PELI2: variants seen among roughly 807,000 people sequenced by gnomAD.
PELI2 encodes pellino E3 ubiquitin protein ligase family member 2.
PELI2 carries 23 observed loss-of-function variants against 42.3 expected under a neutral mutation model. The observed-to-expected ratio is 0.54, with a 90% CI of 0.39 to 0.77. The LOEUF is 0.77. Ranked by LOEUF, PELI2 falls within the 30% of genes least tolerant of loss-of-function variation. The pLI is 0.00. For missense variants in PELI2, 463 were observed against 553.2 expected (o/e 0.84, Z 1.64); for synonymous variants, 245 against 212.2 (o/e 1.15, Z -1.34).
chr14:56,222,639 G>A (rs2139752511), intron 2 of PELI2, among the ~76,000 whole-genome samples: 1 of 152,344 alleles, frequency 6.6e-6, no homozygotes, highest in East Asian at 1.9e-4. Context: ...CACAGTGAAA[G>A]CTTAAGAGGA....
intron 1 of PELI2, among the ~76,000 whole-genome samples, chr14:56,155,650 C>T (rs888775716): frequency 8.0e-5 from 12 of 150,704 alleles, no homozygotes; most frequent in Admixed American, 4.6e-4. Flanking sequence ...GGCGCGATCT[C>T]GGCTCACTGC....
At chr14:56,274,150 G>A (rs1348695053) in intron 2 of PELI2, among the ~76,000 whole-genome samples, 2 of 152,158 alleles carry the variant, frequency 1.3e-5, no homozygotes, top group Non-Finnish European at 2.9e-5. Context: ...GAGAGCTAGC[G>A]TGGATGTCGT....
intron 3 of PELI2, among the ~76,000 whole-genome samples, chr14:56,281,165 T>C (rs901313442): frequency 6.6e-6 from 1 of 152,118 alleles, no homozygotes; most frequent in Non-Finnish European, 1.5e-5. Flanking sequence ...CTAACTTCAG[T>C]CATTTTTATA....
At chr14:56,186,433 C>A (rs1885772016) in intron 2 of PELI2, among the ~76,000 whole-genome samples, 1 of 152,230 alleles carries the variant, frequency 6.6e-6, no homozygotes, top group Admixed American at 6.5e-5. Context: ...TGCTGAACTT[C>A]TGGCAAACAG....
intron 1 of PELI2, among the ~76,000 whole-genome samples, chr14:56,126,498 A>G (rs1204883341): frequency 6.6e-6 from 1 of 152,206 alleles, no homozygotes; most frequent in African/African-American, 2.4e-5. Context: ...CAAGCTTTGT[A>G]CTTCCATTCT....
intron 2 of PELI2, among the ~76,000 whole-genome samples, chr14:56,199,082 T>C (rs867019633): frequency 3.3e-5 from 5 of 152,378 alleles, no homozygotes; most frequent in Middle Eastern, 6.8e-3. Context: ...TCTTAAGTTT[T>C]ATTAATTTTA....
intron 1 of PELI2, among the ~76,000 whole-genome samples, chr14:56,161,298 G>GTT (rs762106360): frequency 5.0e-5 from 7 of 140,486 alleles, no homozygotes; most frequent in Admixed American, 7.1e-5. Context: ...CTGTTCATCT[G>GTT]TTTTTTTTTT....
chr14:56,166,649 A>G (rs1261306375), intron 1 of PELI2, among the ~76,000 whole-genome samples: 1 of 152,024 alleles, frequency 6.6e-6, no homozygotes. Flanking sequence ...ATACTATTCT[A>G]GGGTAAAGTT....
chr14:56,169,347 T>C (rs1430469570), intron 1 of PELI2, among the ~76,000 whole-genome samples: 2 of 152,100 alleles, frequency 1.3e-5, no homozygotes, highest in African/African-American at 4.8e-5. Context: ...CCCTTGGTGG[T>C]GAGGTTTGCG....
intron 1 of PELI2, among the ~76,000 whole-genome samples, chr14:56,173,479 C>T (rs758066282): frequency 1.3e-5 from 2 of 152,124 alleles, no homozygotes; most frequent in Non-Finnish European, 2.9e-5. Context: ...AGTTCATCTC[C>T]ACCATCGCTG....
At position 56,295,813 on chromosome 14, in the gene PELI2, C is replaced by G. The variant is rs1889981399; in HGVS notation, c.697-787C>G. ...ATTTGTGGCCTTGAACAGTGCTTTA[C>G]TGGCCTTCATGCACTCTGAGCTCTG... On this transcript the variant is annotated intron_variant, in intron 5 of 5. Coordinates refer to ENST00000267460, the MANE Select transcript of PELI2 (RefSeq NM_021255.3). 4.6e-5 allele frequency among the ~76,000 whole-genome samples: 7 copies of G among 152,246 alleles called. No homozygotes were observed. In the South Asian group the frequency reaches 1.4e-3, roughly 31 times the overall value.
intron 2 of PELI2, among the ~76,000 whole-genome samples, chr14:56,227,000 C>T (rs949095579): frequency 3.3e-5 from 5 of 152,160 alleles, no homozygotes; most frequent in Admixed American, 6.5e-5. Context: ...AAATTTGATT[C>T]CTCTATAAAA....
intron 1 of PELI2, among the ~76,000 whole-genome samples, chr14:56,173,120 G>A (rs983064979): frequency 6.6e-6 from 1 of 152,128 alleles, no homozygotes; most frequent in Non-Finnish European, 1.5e-5. Context: ...AACTTCAGTT[G>A]CCTCCTCCAT....
intron 1 of PELI2, among the ~76,000 whole-genome samples, chr14:56,129,635 G>C (rs957830258): frequency 1.3e-5 from 2 of 152,214 alleles, no homozygotes; most frequent in Non-Finnish European, 2.9e-5. Flanking sequence ...ATGGGAGGAT[G>C]CACAGTGTGC....
chr14:56,300,997 T>C lies in PELI2; in HGVS notation c.*3831T>C, dbSNP rs999404035. The stretch of plus-strand genomic sequence containing the variant: ...CCTAGAGGAAGATAAGGAAAATAAG[T>C]ATTTTCCAGTTTTGCTTGACAGTTT... On this transcript the variant is annotated 3_prime_UTR_variant, in exon 6 of 6. Coordinates refer to ENST00000267460, the MANE Select transcript of PELI2 (RefSeq NM_021255.3). 4.6e-5 allele frequency: 7 copies of C among 152,238 alleles called. No individual in the cohort carries two copies. Among genetic ancestry groups the C allele is most frequent in the African/African-American group, 7.2e-5 (3 of 41,452 alleles). 9.4% of individuals were successfully genotyped at this position (152,238 alleles called of 1,614,324 possible).
chr14:56,290,469 C>CA lies in PELI2; in HGVS notation c.696+14dup, dbSNP rs1450618663. ...ACGAGGAAAGCTGGTGAGTGTGCTT[C>CA]ACTCTGCAAGTGTGAAGTACGAAAC... On this transcript the variant is annotated intron_variant, in intron 5 of 5. Coordinates refer to ENST00000267460, the MANE Select transcript of PELI2 (RefSeq NM_021255.3). The CA allele has an allele frequency of 6.4e-7, 1 of 1,568,568 alleles. No homozygotes were observed. The highest frequency in any genetic ancestry group is 1.8e-5 in the Admixed American group (1 of 56,266).
At chr14:56,221,767 A>T (rs1159748287) in intron 2 of PELI2, among the ~76,000 whole-genome samples, 1 of 152,240 alleles carries the variant, frequency 6.6e-6, no homozygotes, top group Non-Finnish European at 1.5e-5. Flanking sequence ...TTAAATGTTC[A>T]GATTTTATTT....
chr14:56,184,905 C>G (rs189465205), intron 2 of PELI2, among the ~76,000 whole-genome samples: 17 of 152,018 alleles, frequency 1.1e-4, no homozygotes, highest in Non-Finnish European at 1.9e-4. Flanking sequence ...TAATTTGTAA[C>G]AATTAACAGA....
In PELI2 at chr14:56,273,501, C is replaced by T. The variant is rs1366792282; in HGVS notation, c.208-6175C>T. On this transcript the variant is annotated intron_variant, in intron 2 of 5. Coordinates refer to ENST00000267460, the MANE Select transcript of PELI2 (RefSeq NM_021255.3). This position sits in a 1 kb window ranked among gnomAD's most constrained non-coding sequence, Gnocchi z 4.3. ...TGCAAAAAAGCTGATTATAAAATTC[C>T]TTTGAGGAATAAATCAGTTTTGTAG... 1.3e-5 allele frequency among the ~76,000 whole-genome samples: 2 copies of T among 152,192 alleles called. No homozygotes were observed. Among genetic ancestry groups the T allele is most frequent in the African/African-American group, 4.8e-5 (2 of 41,444 alleles).
Sources: allele counts gnomAD v4.1 joint callset (sites outside exome capture counted in the v4.1 genomes callset), GRCh38; gene constraint gnomAD v4.1.1; non-coding constraint Gnocchi (gnomAD v3.1); transcripts MANE v1.5; gene names NCBI Gene and HGNC (gene_info 2026-07-23, HGNC 2026-07-21).